NDST4: variants seen among roughly 807,000 people sequenced by gnomAD.
NDST4 encodes the protein N-heparan sulfate sulfotransferase 4.
A neutral mutation model predicts 100.8 loss-of-function variants in NDST4; 63 were observed. That is an observed-to-expected ratio of 0.62 (90% CI 0.51 to 0.77). The LOEUF is 0.77. Ranked by LOEUF, NDST4 falls within the 30% of genes least tolerant of loss-of-function variation. The pLI is 0.00. For synonymous variants in NDST4, 377 were observed against 361.8 expected (o/e 1.04, Z -0.48); for missense variants, 943 against 1,018.4 (o/e 0.93, Z 1.01).
At chr4:114,921,588 T>G (rs577245848) in intron 6 of NDST4, among the ~76,000 whole-genome samples, 95 of 152,324 alleles carry the variant, frequency 6.2e-4, no homozygotes, top group African/African-American at 2.2e-3. Context: ...ATCACTTGCT[T>G]TTTATCACAT....
At chr4:115,064,872 C>T (rs1003078800) in intron 2 of NDST4, among the ~76,000 whole-genome samples, 1 of 152,074 alleles carries the variant, frequency 6.6e-6, no homozygotes, top group African/African-American at 2.4e-5. Context: ...ATGTACACTG[C>T]CAACCCAATG....
chr4:115,076,418 C>A lies in NDST4; in HGVS notation c.619G>T (p.Ala207Ser). ...AGAGGGCCTTTCTCAACCTTGGGGG[C>A]TTTGGTAATATGCAGCAAAGGAGAT... ...PQSPLLHITK[A>S]PKVEKGPLPG... The change falls in exon 2 of 14, where the codon GCC becomes TCC. Residue 207 changes from alanine (A) to serine (S), a missense_variant. Ala to Ser is a moderately conservative substitution (Grantham distance 99, BLOSUM62 1). Transcript: ENST00000264363. The A allele has an allele frequency of 1.2e-6, 2 of 1,613,904 alleles. No individual in the cohort carries two copies. Among genetic ancestry groups the A allele is most frequent in the East Asian group, 2.2e-5 (1 of 44,792 alleles).
chr4:114,833,574 G>T, intron 12 of NDST4, 32 bp downstream of exon 12: 1 of 1,373,342 alleles, frequency 7.3e-7, no homozygotes, highest in South Asian at 1.2e-5. Context: ...GGCAAATAAT[G>T]GAAATGAAAT....
chr4:115,014,278 C>T (rs1727625743), intron 2 of NDST4, among the ~76,000 whole-genome samples: 1 of 151,986 alleles, frequency 6.6e-6, no homozygotes, highest in African/African-American at 2.4e-5. Flanking sequence ...GATCACACTT[C>T]CCTTCTATAA....
chr4:115,102,704 C>CTTTTTTTTTTTTTTTT lies in NDST4; in HGVS notation c.-247+10724_-247+10739dup, dbSNP rs751431042. On this transcript the variant is annotated intron_variant, in intron 1 of 13. Coordinates refer to ENST00000264363, the MANE Select transcript of NDST4 (RefSeq NM_022569.3). ...TTATATACCATATACTTCTGACTTC[C>CTTTTTTTTTTTTTTTT]TTTTTTTTTTTTTTTTTTTTTGACA... Among the ~76,000 whole-genome samples the CTTTTTTTTTTTTTTTT allele has an allele frequency of 8.8e-5, 8 of 90,568 alleles. 2 individuals carry two copies. The highest frequency in any genetic ancestry group is 3.1e-4 in the Admixed American group (2 of 6,484). 59.4% of individuals were successfully genotyped at this position (90,568 alleles called of 152,430 possible). A position where few individuals can be genotyped will look rare whatever the true frequency, so the allele number is the denominator to read the frequency against.
Position 115,010,252 on chromosome 4 carries a change from C to T in NDST4, c.979-32978G>A, listed in dbSNP as rs1485781575. On this transcript the variant is annotated intron_variant, in intron 2 of 13. Transcript: ENST00000264363. ...ACATGCACACGTATGTTTATTGCGGCGCTATTCACAATAGCAAAGACTTGG... is the reference window on the plus strand; with the variant it reads ...ACATGCACACGTATGTTTATTGCGGTGCTATTCACAATAGCAAAGACTTGG... Among the ~76,000 whole-genome samples the T allele has an allele frequency of 4.0e-5, 5 of 123,768 alleles. 2 individuals are homozygous for T. Among genetic ancestry groups the T allele is most frequent in the Admixed American group, 2.5e-4 (3 of 11,984 alleles). 81.2% of individuals were successfully genotyped at this position (123,768 alleles called of 152,430 possible).
intron 5 of NDST4, among the ~76,000 whole-genome samples, chr4:114,935,752 A>C (rs1429161436): frequency 4.6e-5 from 7 of 152,162 alleles, no homozygotes; most frequent in Admixed American, 2.6e-4. Context: ...GGGATTTACC[A>C]CAATTGGTTT....
intron 2 of NDST4, among the ~76,000 whole-genome samples, chr4:115,074,794 G>A (rs748235409): frequency 6.6e-6 from 1 of 152,080 alleles, no homozygotes; most frequent in Admixed American, 6.6e-5. Flanking sequence ...ATCTTTGGAA[G>A]ATAAACACTT....
At chr4:115,104,016 G>A (rs765707705) in intron 1 of NDST4, among the ~76,000 whole-genome samples, 19 of 152,046 alleles carry the variant, frequency 1.2e-4, no homozygotes, top group Non-Finnish European at 1.3e-4. Flanking sequence ...ACTAGACATC[G>A]TACCAAAATA....
chr4:115,022,289 C>T lies in NDST4; in HGVS notation c.979-45015G>A, dbSNP rs528797338. ...AAGTTCCACGTCTATGCACGTTCCA[C>T]ATATATATATGTTCCACGTACATAT... On this transcript the variant is annotated intron_variant, in intron 2 of 13. Transcript: ENST00000264363. 5.5e-3 allele frequency among the ~76,000 whole-genome samples: 836 copies of T among 151,788 alleles called. 19 individuals are homozygous for T. The highest frequency in any genetic ancestry group is 0.019 in the African/African-American group (801 of 41,376).
intron 6 of NDST4, among the ~76,000 whole-genome samples, chr4:114,923,840 CA>C (rs1474149029): frequency 6.6e-6 from 1 of 151,308 alleles, no homozygotes; most frequent in Non-Finnish European, 1.5e-5. Context: ...CCTTTCATTC[CA>C]AACTTTGGGA....
chr4:115,098,239 T>C (rs1187368156), intron 1 of NDST4, among the ~76,000 whole-genome samples: 1 of 152,108 alleles, frequency 6.6e-6, no homozygotes, highest in Non-Finnish European at 1.5e-5. Context: ...ATTGAAAAGG[T>C]AGGTAGGTAA....
intron 1 of NDST4, among the ~76,000 whole-genome samples, chr4:115,086,680 C>T (rs574647134): frequency 3.3e-5 from 5 of 151,956 alleles, no homozygotes; most frequent in East Asian, 1.9e-4. Context: ...AAATGTCAGG[C>T]GGTTTCTTTT....
intron 10 of NDST4, chr4:114,842,529 C>T (rs569147065): frequency 8.5e-4 from 144 of 169,856 alleles, no homozygotes; most frequent in African/African-American, 3.4e-3. Context: ...CGGTGGCTCA[C>T]GCCTGTAATC....
intron 5 of NDST4, among the ~76,000 whole-genome samples, chr4:114,936,758 G>GA (rs1725637367): frequency 6.6e-6 from 1 of 151,934 alleles, no homozygotes; most frequent in African/African-American, 2.4e-5. Flanking sequence ...TATCTGAAAA[G>GA]AAAAAACATA....
At chr4:114,970,237 A>T (rs934558100) in intron 4 of NDST4, among the ~76,000 whole-genome samples, 193 bp downstream of exon 4, 1 of 152,180 alleles carries the variant, frequency 6.6e-6, no homozygotes, top group Admixed American at 6.5e-5. Flanking sequence ...TAATTACATA[A>T]TGGTCCTTTA....
At chr4:115,108,460 G>T (rs1404826565) in intron 1 of NDST4, among the ~76,000 whole-genome samples, 1 of 151,736 alleles carries the variant, frequency 6.6e-6, no homozygotes, top group Non-Finnish European at 1.5e-5. Context: ...CACTAGCATG[G>T]CAGTTGGCCT....
chr4:114,905,512 TA>T (rs1179484721), intron 6 of NDST4, among the ~76,000 whole-genome samples: 2 of 151,944 alleles, frequency 1.3e-5, no homozygotes, highest in African/African-American at 4.8e-5. Context: ...ATTTGAAATA[TA>T]AAAATATAAG....
chr4:114,977,347 G>A (rs1318299652), intron 2 of NDST4, 73 bp from the exon 3 acceptor site: 3 of 920,674 alleles, frequency 3.3e-6, no homozygotes, highest in African/African-American at 3.4e-5. Flanking sequence ...TTTTGCAAAT[G>A]TGTATGCATG....
Sources: allele counts gnomAD v4.1 joint callset (sites outside exome capture counted in the v4.1 genomes callset), GRCh38; gene constraint gnomAD v4.1.1; transcripts MANE v1.5; gene names NCBI Gene and HGNC (gene_info 2026-07-23, HGNC 2026-07-21).